FOXN3: variants seen among roughly 807,000 people sequenced by gnomAD.
FOXN3 encodes the protein forkhead box N3.
In FOXN3, 7 loss-of-function variants were observed where a neutral mutation model predicts 38.4. The ratio of observed to expected loss-of-function variants is 0.18; its 90% confidence interval spans 0.10 to 0.34. The LOEUF (loss-of-function observed/expected upper bound fraction) is 0.34, where lower values mean the gene tolerates loss of function less well. Ranked by LOEUF, FOXN3 falls within the 10% of genes least tolerant of loss-of-function variation. FOXN3 has a pLI of 1.00. For synonymous variants in FOXN3, 230 were observed against 242.2 expected (o/e 0.95, Z 0.47); for missense variants, 456 against 613.4 (o/e 0.74, Z 2.71).
At chr14:89,434,682 T>A (rs1007064762) in intron 1 of FOXN3, among the ~76,000 whole-genome samples, 1 of 152,118 alleles carries the variant, frequency 6.6e-6, no homozygotes, top group South Asian at 2.1e-4. Context: ...CACAGAATAA[T>A]CTCCTTTTTC....
chr14:89,475,637 A>C (rs1341923412), intron 1 of FOXN3, among the ~76,000 whole-genome samples: 4 of 152,234 alleles, frequency 2.6e-5, no homozygotes, highest in Non-Finnish European at 5.9e-5. Flanking sequence ...CCTGGCCAGC[A>C]GAGTGAGACC....
chr14:89,206,522 G>A (rs988087650), intron 4 of FOXN3, among the ~76,000 whole-genome samples: 3 of 152,214 alleles, frequency 2.0e-5, no homozygotes, highest in African/African-American at 7.2e-5. Flanking sequence ...CGTGGACAGC[G>A]GAGGTTTCCG....
At chr14:89,451,188 TAC>T (rs1298319942) in intron 1 of FOXN3, among the ~76,000 whole-genome samples, 2 of 152,138 alleles carry the variant, frequency 1.3e-5, no homozygotes, top group Non-Finnish European at 2.9e-5. Flanking sequence ...AAATCAGACA[TAC>T]CTTAGCTGTC....
At chr14:89,246,720 T>C (rs987901403) in intron 4 of FOXN3, among the ~76,000 whole-genome samples, 2 of 151,894 alleles carry the variant, frequency 1.3e-5, no homozygotes, top group East Asian at 1.9e-4. Context: ...TTGTATTTTT[T>C]AGTCGAGACG....
chr14:89,550,842 CATCCAAA>C (rs1894989809), intron 1 of FOXN3, among the ~76,000 whole-genome samples: 1 of 152,194 alleles, frequency 6.6e-6, no homozygotes, highest in African/African-American at 2.4e-5. Flanking sequence ...GGACATCCAT[CATCCAAA>C]ACACAATGCA....
At chr14:89,508,381 C>T (rs555094162) in intron 1 of FOXN3, among the ~76,000 whole-genome samples, 50 of 152,292 alleles carry the variant, frequency 3.3e-4, no homozygotes, top group African/African-American at 1.2e-3. Flanking sequence ...GAAAGAACAT[C>T]TTCTCTGAGC....
At chr14:89,541,512 T>C (rs1382522683) in intron 1 of FOXN3, among the ~76,000 whole-genome samples, 2 of 152,142 alleles carry the variant, frequency 1.3e-5, no homozygotes, top group Non-Finnish European at 2.9e-5. Flanking sequence ...TGTCAGGAAG[T>C]TACCCTATAT....
At chr14:89,545,233 G>C (rs1019556372) in intron 1 of FOXN3, among the ~76,000 whole-genome samples, 5 of 152,202 alleles carry the variant, frequency 3.3e-5, no homozygotes, top group Admixed American at 3.3e-4. Context: ...TTCAGTGAGA[G>C]CCTCTTCAAA....
chr14:89,447,447 A>T (rs556136001), intron 1 of FOXN3, among the ~76,000 whole-genome samples: 1 of 152,260 alleles, frequency 6.6e-6, no homozygotes, highest in African/African-American at 2.4e-5. Context: ...TGAAAAACTG[A>T]GGGCTAGACT....
chr14:89,232,245 C>T (rs1884833708), intron 4 of FOXN3, among the ~76,000 whole-genome samples: 1 of 152,226 alleles, frequency 6.6e-6, no homozygotes, highest in African/African-American at 2.4e-5. Flanking sequence ...TCAAACTGCT[C>T]ATCTGTAGGA....
At chr14:89,185,656 T>C (rs138684077) in intron 4 of FOXN3, 1 of 152,328 alleles carries the variant, frequency 6.6e-6, no homozygotes, top group Non-Finnish European at 1.5e-5. Context: ...GCCTCTAGCA[T>C]CATCCTTGCA....
chr14:89,536,804 A>T (rs1198848378), intron 1 of FOXN3, among the ~76,000 whole-genome samples: 1 of 152,038 alleles, frequency 6.6e-6, no homozygotes, highest in Admixed American at 6.5e-5. Context: ...ATTTAAAAAG[A>T]TTTTTAAAAA....
chr14:89,184,402 A>T (rs931684100), intron 4 of FOXN3, among the ~76,000 whole-genome samples: 1 of 152,220 alleles, frequency 6.6e-6, no homozygotes, highest in African/African-American at 2.4e-5. Context: ...ACCCCTGGGG[A>T]GAGTGTGGCA....
chr14:89,357,540 G>A (rs939469458), intron 2 of FOXN3, among the ~76,000 whole-genome samples: 9 of 151,902 alleles, frequency 5.9e-5, no homozygotes, highest in Non-Finnish European at 1.2e-4. Flanking sequence ...CCTGGGAGGC[G>A]AAGGTTGCGG....
rs187339872 is a variant in FOXN3, at chr14:89,257,084, C to T, written c.745+23866G>A. ...GGAAAACAAACCCCTCCTTAACCAC[C>T]TATCCTGCAGGTTGCGGTGAGAGTC... On this transcript the variant is annotated intron_variant, in intron 4 of 5. Transcript: ENST00000557258. Among the ~76,000 whole-genome samples the T allele has an allele frequency of 7.0e-4, 107 of 152,342 alleles. 1 individual carries two copies. The highest frequency in any genetic ancestry group is 6.8e-3 in the Middle Eastern group (2 of 294).
intron 2 of FOXN3, among the ~76,000 whole-genome samples, chr14:89,380,902 G>A (rs1435943448): frequency 6.6e-6 from 1 of 152,124 alleles, no homozygotes; most frequent in Non-Finnish European, 1.5e-5. Flanking sequence ...AGCATTTTGG[G>A]AGGCTGAGGC....
intron 3 of FOXN3, among the ~76,000 whole-genome samples, chr14:89,309,829 T>C (rs935070400): frequency 3.3e-5 from 5 of 152,224 alleles, no homozygotes; most frequent in African/African-American, 9.6e-5. Flanking sequence ...GAGTGACCGA[T>C]GGCGTTGGCT....
intron 3 of FOXN3, among the ~76,000 whole-genome samples, chr14:89,305,785 C>G (rs763971): frequency 0.11 from 17,185 of 152,212 alleles, 1,057 homozygotes; most frequent in East Asian, 0.22. Flanking sequence ...ACGGATCTAA[C>G]TAAATACAAT....
intron 3 of FOXN3, among the ~76,000 whole-genome samples, chr14:89,306,905 T>G (rs1262220208): frequency 6.6e-6 from 1 of 152,100 alleles, no homozygotes; most frequent in Non-Finnish European, 1.5e-5. Flanking sequence ...AAATAACATT[T>G]TATTGGGACA....
Sources: allele counts gnomAD v4.1 joint callset (sites outside exome capture counted in the v4.1 genomes callset), GRCh38; gene constraint gnomAD v4.1.1; transcripts MANE v1.5; gene names NCBI Gene and HGNC (gene_info 2026-07-23, HGNC 2026-07-21).